Variants in CCDC91 observed in about 807,000 individuals in gnomAD.
CCDC91 encodes the protein coiled-coil domain containing 91.
CCDC91 carries 48 observed loss-of-function variants against 63.2 expected under a neutral mutation model. That is an observed-to-expected ratio of 0.76 (90% CI 0.60 to 0.97). The LOEUF (loss-of-function observed/expected upper bound fraction) is 0.97, where lower values mean the gene tolerates loss of function less well. CCDC91 is among the 50% of genes least tolerant of loss of function. The pLI, the probability that CCDC91 is intolerant of heterozygous loss-of-function variation, is 0.00. For synonymous variants in CCDC91, 167 were observed against 165.8 expected (o/e 1.01, Z -0.06); for missense variants, 500 against 494.6 (o/e 1.01, Z -0.10).
At chr12:28,199,976 CT>C (rs889105419) in intron 1 of CCDC91, among the ~76,000 whole-genome samples, 2 of 152,068 alleles carry the variant, frequency 1.3e-5, no homozygotes, top group African/African-American at 4.8e-5. Flanking sequence ...TAGATTAATG[CT>C]TTTCATCAAA....
intron 3 of CCDC91, among the ~76,000 whole-genome samples, chr12:28,301,142 T>C (rs1938028026): frequency 6.6e-6 from 1 of 151,642 alleles, no homozygotes; most frequent in African/African-American, 2.4e-5. Context: ...ATCCTTTTCT[T>C]ATTCCTCATC....
In CCDC91 at chr12:28,429,508, T is replaced by TATA. The variant is rs146734407; in HGVS notation, c.763-20652_763-20650dup. ...GGGAAACATATAAAATGAATTATAA[T>TATA]ATATAATAAACAATACATTCGTGAT... On this transcript the variant is annotated intron_variant, in intron 8 of 12. Coordinates refer to ENST00000536442, the MANE Select transcript of CCDC91 (RefSeq NM_018318.5). 9.2e-3 allele frequency among the ~76,000 whole-genome samples: 1,394 copies of TATA among 152,110 alleles called. 25 individuals are homozygous for TATA. The highest frequency in any genetic ancestry group is 0.032 in the African/African-American group (1,324 of 41,526).
At chr12:28,410,893 C>T (rs1947276233) in intron 8 of CCDC91, among the ~76,000 whole-genome samples, 1 of 152,110 alleles carries the variant, frequency 6.6e-6, no homozygotes, top group African/African-American at 2.4e-5. Flanking sequence ...TGTATCTCCT[C>T]ATTCTTTGTT....
At chr12:28,191,199 C>G (rs942313681) in intron 1 of CCDC91, 1 of 152,254 alleles carries the variant, frequency 6.6e-6, no homozygotes, top group African/African-American at 2.4e-5. Flanking sequence ...AGCACGCCTC[C>G]CTTTCCCAAC....
At chr12:28,404,902 A>T (rs1489172075) in intron 8 of CCDC91, among the ~76,000 whole-genome samples, 4 of 151,968 alleles carry the variant, frequency 2.6e-5, no homozygotes, top group Non-Finnish European at 5.9e-5. Context: ...GATTTCTCAT[A>T]GACAGCATAC....
chr12:28,318,571 C>T (rs11049529), intron 6 of CCDC91, among the ~76,000 whole-genome samples: 37,211 of 151,578 alleles, frequency 0.25, 5,145 homozygotes, highest in East Asian at 0.57. Flanking sequence ...TTATTTGTTA[C>T]GGAATAACAA....
chr12:28,265,611 A>G (rs1031035081), intron 3 of CCDC91, among the ~76,000 whole-genome samples: 3 of 143,000 alleles, frequency 2.1e-5, no homozygotes, highest in Admixed American at 1.4e-4. Flanking sequence ...TTAATATCCC[A>G]TTACTCTCCT....
At chr12:28,336,996 A>G (rs1019318642) in intron 6 of CCDC91, among the ~76,000 whole-genome samples, 11 of 152,142 alleles carry the variant, frequency 7.2e-5, no homozygotes, top group African/African-American at 2.4e-4. Flanking sequence ...AAAATTGTCA[A>G]TAGCTCTGTG....
At chr12:28,224,245 C>T (rs961389060) in intron 1 of CCDC91, among the ~76,000 whole-genome samples, 3 of 152,120 alleles carry the variant, frequency 2.0e-5, no homozygotes, top group African/African-American at 7.2e-5. Flanking sequence ...AGAGTCATCC[C>T]ATATGATTTT....
intron 3 of CCDC91, among the ~76,000 whole-genome samples, chr12:28,291,107 A>T (rs943117518): frequency 6.0e-4 from 92 of 152,304 alleles, no homozygotes; most frequent in African/African-American, 1.9e-3. Context: ...GCAAATTAGG[A>T]AGCATTACAA....
intron 1 of CCDC91, among the ~76,000 whole-genome samples, chr12:28,254,879 C>T (rs1946344711): frequency 6.7e-6 from 1 of 149,496 alleles, no homozygotes; most frequent in Non-Finnish European, 1.5e-5. Context: ...TCAAGCGATT[C>T]TTCTACCTCA....
intron 1 of CCDC91, among the ~76,000 whole-genome samples, chr12:28,233,968 T>C (rs1355887873): frequency 9.9e-5 from 15 of 152,146 alleles, no homozygotes; most frequent in African/African-American, 3.6e-4. Context: ...AAGTGTACAG[T>C]TCAGTGGCAT....
chr12:28,239,532 AAAG>A (rs1945191817), intron 1 of CCDC91, among the ~76,000 whole-genome samples: 1 of 151,960 alleles, frequency 6.6e-6, no homozygotes, highest in Non-Finnish European at 1.5e-5. Flanking sequence ...TATTAAATTA[AAAG>A]AAGAAAAATG....
intron 7 of CCDC91, among the ~76,000 whole-genome samples, chr12:28,373,692 C>T (rs1055198662): frequency 5.3e-5 from 8 of 151,996 alleles, no homozygotes; most frequent in African/African-American, 9.7e-5. Context: ...GATTGCTTTG[C>T]CAGTTTACCT....
chr12:28,199,364 C>T (rs990742856), intron 1 of CCDC91, among the ~76,000 whole-genome samples: 2 of 152,136 alleles, frequency 1.3e-5, no homozygotes, highest in Non-Finnish European at 2.9e-5. Flanking sequence ...CCCCTTCCTT[C>T]ATGCTATTAT....
At chr12:28,526,446 C>G (rs917561429) in intron 12 of CCDC91, among the ~76,000 whole-genome samples, 4 of 152,084 alleles carry the variant, frequency 2.6e-5, no homozygotes, top group Middle Eastern at 3.2e-3. Context: ...ATCCTTCTAG[C>G]CTGTAGGGTT....
intron 11 of CCDC91, among the ~76,000 whole-genome samples, chr12:28,461,669 G>C (rs3911810): frequency 2.0e-5 from 3 of 151,746 alleles, no homozygotes; most frequent in African/African-American, 7.3e-5. Flanking sequence ...ACCTAAAAAC[G>C]TAAAGCATGA....
intron 6 of CCDC91, among the ~76,000 whole-genome samples, chr12:28,338,094 T>C (rs563154062): frequency 9.9e-5 from 15 of 152,268 alleles, no homozygotes; most frequent in African/African-American, 3.6e-4. Context: ...GAATTTGTAG[T>C]TTCTCAGGTG....
intron 12 of CCDC91, among the ~76,000 whole-genome samples, chr12:28,540,325 A>G (rs1167643269): frequency 6.6e-6 from 1 of 152,090 alleles, no homozygotes; most frequent in African/African-American, 2.4e-5. Context: ...CCATTTGTAT[A>G]TTGCTATAAA....
Sources: allele counts gnomAD v4.1 joint callset (sites outside exome capture counted in the v4.1 genomes callset), GRCh38; gene constraint gnomAD v4.1.1; transcripts MANE v1.5; gene names NCBI Gene and HGNC (gene_info 2026-07-23, HGNC 2026-07-21).